Variants in INSR observed in about 807,000 individuals in gnomAD.
The protein encoded by INSR is insulin receptor.
INSR carries 67 observed loss-of-function variants against 142.6 expected under a neutral mutation model. The observed-to-expected ratio is 0.47, with a 90% CI of 0.39 to 0.58. The LOEUF (loss-of-function observed/expected upper bound fraction) is 0.58, where lower values mean the gene tolerates loss of function less well. Among genes scored for constraint, INSR ranks in the 20% least tolerant of loss-of-function variants. The pLI is 0.00. For missense variants in INSR, 1,248 were observed against 1,833.2 expected, an observed-to-expected ratio of 0.68 and a Z score of 5.83; for synonymous variants, 756 against 743.1, an observed-to-expected ratio of 1.02 and a Z score of -0.28.
chr19:7,153,214 C>A (rs138469952), intron 9 of INSR, among the ~76,000 whole-genome samples: 13,995 of 26,086 alleles, frequency 0.54, 3,252 homozygotes, highest in Non-Finnish European at 0.64. Flanking sequence ...CACCACACAC[C>A]ACACACACGC....
chr19:7,122,153 A>G (rs1358625646), intron 19 of INSR, among the ~76,000 whole-genome samples: 1 of 151,316 alleles, frequency 6.6e-6, no homozygotes, highest in African/African-American at 2.4e-5. Context: ...GAAAAAAGAA[A>G]AAAAAAAAAA....
chr19:7,149,493 C>T (rs965935486), intron 11 of INSR, among the ~76,000 whole-genome samples: 2 of 152,070 alleles, frequency 1.3e-5, no homozygotes, highest in African/African-American at 4.8e-5. Flanking sequence ...CTCCCAGGAC[C>T]ATACTGCTTC....
chr19:7,260,906 CT>C (rs1670410342), intron 2 of INSR, among the ~76,000 whole-genome samples: 1 of 149,888 alleles, frequency 6.7e-6, no homozygotes, highest in African/African-American at 2.5e-5. Context: ...AAGACAGAGT[CT>C]CACCGAGTCT....
intron 2 of INSR, among the ~76,000 whole-genome samples, chr19:7,230,885 A>G (rs1160754291): frequency 2.0e-5 from 3 of 152,192 alleles, no homozygotes; most frequent in Non-Finnish European, 4.4e-5. Flanking sequence ...TCCTGCAGCA[A>G]GGCCCTTTGC....
At chr19:7,242,535 C>G (rs1250615321) in intron 2 of INSR, among the ~76,000 whole-genome samples, 2 of 151,538 alleles carry the variant, frequency 1.3e-5, no homozygotes, top group African/African-American at 4.9e-5. Flanking sequence ...GTCAGGAGTT[C>G]GAGACCAGCC....
At chr19:7,193,121 T>C (rs1599978978) in intron 2 of INSR, among the ~76,000 whole-genome samples, 1 of 148,080 alleles carries the variant, frequency 6.8e-6, no homozygotes, top group African/African-American at 2.5e-5. Context: ...TTTTTTTTCT[T>C]TTTTTTTTTT....
At position 7,147,770 on chromosome 19, in the gene INSR, C is replaced by T. The variant is rs146282632; in HGVS notation, c.2267+2727G>A. ...ATGGGTCTCGTGAAAATAACCAAGA[C>T]GTTGGTGCTTCATGAGTAACTACTG... On this transcript the variant is annotated intron_variant, in intron 11 of 21. Coordinates refer to ENST00000302850, the MANE Select transcript of INSR (RefSeq NM_000208.4). 6.5e-3 allele frequency among the ~76,000 whole-genome samples: 987 copies of T among 152,238 alleles called. 6 individuals are homozygous for T. Among genetic ancestry groups the T allele is most frequent in the East Asian group, 0.041 (211 of 5,178 alleles).
chr19:7,145,246 G>T (rs557646981), intron 11 of INSR, among the ~76,000 whole-genome samples: 1 of 151,936 alleles, frequency 6.6e-6, no homozygotes, highest in Admixed American at 6.6e-5. Flanking sequence ...TTCTTTAAAT[G>T]ATTTGAAACA....
chr19:7,267,729 G>A lies in INSR; in HGVS notation c.268C>T (p.Leu90Phe), dbSNP rs757683491. 1.2e-6 allele frequency: 2 copies of A among 1,614,146 alleles called. No individual in the cohort carries two copies. The highest frequency in any genetic ancestry group is 1.1e-5 in the South Asian group (1 of 91,084). ...CTCTCGAGCCCATAGACCCGGAAGA[G>A]CAGCAAGTAATCAGTGATCATGATG... ...KLIMITDYLL[L>F]FRVYGLESLK... Residue 90 changes from leucine (L) to phenylalanine (F), a missense_variant, in exon 2 of 22, where the codon CTC (leucine) becomes TTC (phenylalanine). Physicochemically the swap from Leu to Phe is conservative, Grantham distance 22 (BLOSUM62 0). This residue lies in a region of INSR where 1,069 missense variants were observed against 1,654.0 expected (regional missense o/e 0.65). Transcript: ENST00000302850. The surrounding 1 kb of genome is among the most constrained non-coding windows in gnomAD (Gnocchi z 6.3).
At chr19:7,131,918 A>G (rs189251412) in intron 14 of INSR, among the ~76,000 whole-genome samples, 1 of 151,476 alleles carries the variant, frequency 6.6e-6, no homozygotes, top group East Asian at 2.0e-4. Context: ...GAATCACTTG[A>G]ACCCGGGAGG....
Position 7,216,369 on chromosome 19 carries a change from C to T in INSR, c.653-31732G>A, listed in dbSNP as rs996017456. 2.6e-5 allele frequency among the ~76,000 whole-genome samples: 4 copies of T among 152,140 alleles called. No individual in the cohort carries two copies. Among genetic ancestry groups the T allele is most frequent in the Non-Finnish European group, 4.4e-5 (3 of 68,020 alleles). The stretch of plus-strand genomic sequence containing the variant: ...TGTAACTGACTGTGCCTCTGAAATC[C>T]TAAACAGAATATTACATGGCGTCTT... On this transcript the variant is annotated intron_variant, in intron 2 of 21. Transcript: ENST00000302850. The surrounding 1 kb of genome is among the most constrained non-coding windows in gnomAD (Gnocchi z 4.2).
At chr19:7,176,313 A>C (rs1318388172) in intron 3 of INSR, among the ~76,000 whole-genome samples, 1 of 152,158 alleles carries the variant, frequency 6.6e-6, no homozygotes, top group Non-Finnish European at 1.5e-5. Flanking sequence ...AAAAGTATGT[A>C]GCACCAGCCG....
intron 9 of INSR, among the ~76,000 whole-genome samples, chr19:7,160,149 A>T (rs999939298): frequency 2.0e-5 from 3 of 151,466 alleles, no homozygotes; most frequent in African/African-American, 7.3e-5. Context: ...AATTATTATT[A>T]TTTTTATTAT....
Position 7,168,229 on chromosome 19 carries a change from C to A in INSR, c.1484-135G>T. On this transcript the variant is annotated intron_variant, in intron 6 of 21. Transcript: ENST00000302850. The surrounding 1 kb of genome is among the most constrained non-coding windows in gnomAD (Gnocchi z 4.3). ...CTGCTATTCCCTTAAGGGTCTCCTC[C>A]CCATGTGCCTGGCTGAGTATGAATG... is the stretch of plus-strand genomic sequence containing the variant. 1 of 893,346 alleles carries A rather than the reference C, an allele frequency of 1.1e-6. No homozygotes were observed. Among genetic ancestry groups the A allele is most frequent in the Non-Finnish European group, 1.8e-6 (1 of 562,070 alleles). 55.3% of individuals were successfully genotyped at this position (893,346 alleles called of 1,614,324 possible).
chr19:7,252,555 G>A (rs754770674), intron 2 of INSR, among the ~76,000 whole-genome samples: 11 of 152,174 alleles, frequency 7.2e-5, no homozygotes, highest in African/African-American at 2.2e-4. Context: ...TTCACCAGCC[G>A]ACGGGCTTTG....
At chr19:7,127,701 G>A (rs994187513) in intron 15 of INSR, among the ~76,000 whole-genome samples, 1 of 152,090 alleles carries the variant, frequency 6.6e-6, no homozygotes, top group Non-Finnish European at 1.5e-5. Flanking sequence ...TTGTTGTTCT[G>A]TTGTTTGTCC....
intron 11 of INSR, among the ~76,000 whole-genome samples, chr19:7,144,704 C>CT (rs199504210): frequency 0.014 from 1,965 of 135,878 alleles, 15 homozygotes; most frequent in Middle Eastern, 0.019. Context: ...GCACATGGCT[C>CT]TTTTTTTTTT....
intron 2 of INSR, among the ~76,000 whole-genome samples, chr19:7,228,836 G>C (rs1027882306): frequency 2.0e-5 from 3 of 152,214 alleles, no homozygotes; most frequent in Admixed American, 2.0e-4. Context: ...ACACATGGAT[G>C]GGTGGATGAA....
rs759260656 is a variant in INSR at position 7,119,505 on chromosome 19, C to T, written c.3738G>A (p.Leu1246=). The stretch of plus-strand genomic sequence containing the variant: ...GATACCCTCCATCCATGACAAATTT[C>T]AACACCTGTTCATTAGACAGGCCTT... ...PYQGLSNEQV[L]KFVMDGGYLD... Residue 1246 remains leucine (L), a synonymous_variant, in exon 21 of 22, where the codon TTG becomes TTA. Coordinates refer to ENST00000302850, the MANE Select transcript of INSR (RefSeq NM_000208.4). This position sits in a 1 kb window ranked among gnomAD's most constrained non-coding sequence, Gnocchi z 5.2. 13 of 1,614,204 alleles carry T rather than the reference C, an allele frequency of 8.1e-6. 2 individuals carry two copies. In the South Asian group the frequency reaches 1.3e-4, roughly 16 times the overall value.
Sources: gnomAD v4.1 joint callset for allele counts (sites outside exome capture counted in the v4.1 genomes callset) on GRCh38, gnomAD v4.1.1 for gene constraint, gnomAD v4.1.1 regional missense constraint, Gnocchi (gnomAD v3.1) non-coding constraint, MANE v1.5 for transcripts, NCBI Gene and HGNC (gene_info 2026-07-23, HGNC 2026-07-21) for gene names.